UGT1A7: variants seen among roughly 807,000 people sequenced by gnomAD.
UGT1A7 encodes UDP glucuronosyltransferase family 1 member A7.
Under a neutral mutation model 45.6 loss-of-function variants are expected in UGT1A7, and 33 were observed. The ratio of observed to expected loss-of-function variants is 0.72; its 90% CI spans 0.55 to 0.97. The LOEUF (loss-of-function observed/expected upper bound fraction) is 0.97, where lower values mean the gene tolerates loss of function less well. UGT1A7 is among the 50% of genes least tolerant of loss of function. UGT1A7 has a pLI of 0.00. For missense variants in UGT1A7, 684 were observed against 666.2 expected, an observed-to-expected ratio of 1.03 and a Z score of -0.29; for synonymous variants, 274 against 250.6, an observed-to-expected ratio of 1.09 and a Z score of -0.88.
intron 1 of UGT1A7, among the ~76,000 whole-genome samples, chr2:233,734,004 T>A (rs2078466874): frequency 6.6e-6 from 1 of 151,924 alleles, no homozygotes; most frequent in South Asian, 2.1e-4. Context: ...ATACCTAATG[T>A]TAAATGACGA....
At chr2:233,742,488 T>A (rs1480874171) in intron 1 of UGT1A7, among the ~76,000 whole-genome samples, 1 of 151,938 alleles carries the variant, frequency 6.6e-6, no homozygotes, top group African/African-American at 2.4e-5. Context: ...ACCTTCAGCA[T>A]AGGCATCATG....
chr2:233,748,753 G>A (rs1217763001), intron 1 of UGT1A7, among the ~76,000 whole-genome samples: 1 of 151,562 alleles, frequency 6.6e-6, no homozygotes, highest in African/African-American at 2.4e-5. Flanking sequence ...GGAAGGCATA[G>A]TTTTGGTTGC....
intron 1 of UGT1A7, chr2:233,743,509 G>T: frequency 7.3e-7 from 1 of 1,367,170 alleles, no homozygotes; most frequent in Non-Finnish European, 9.8e-7. Context: ...GGGTGCAGAC[G>T]CTCTGCTTCT....
chr2:233,711,387 G>A (rs1236351925), intron 1 of UGT1A7, among the ~76,000 whole-genome samples: 2 of 152,246 alleles, frequency 1.3e-5, no homozygotes, highest in African/African-American at 2.4e-5. Context: ...CCTCCCAGGT[G>A]TGTTCCACCC....
At chr2:233,703,892 T>A (rs1430285411) in intron 1 of UGT1A7, among the ~76,000 whole-genome samples, 1 of 152,058 alleles carries the variant, frequency 6.6e-6, no homozygotes, top group Non-Finnish European at 1.5e-5. Context: ...ATCATTTTTT[T>A]CTTTTCTTTT....
intron 1 of UGT1A7, among the ~76,000 whole-genome samples, chr2:233,726,280 G>C (rs906128531): frequency 6.6e-6 from 1 of 152,198 alleles, no homozygotes; most frequent in Non-Finnish European, 1.5e-5. Context: ...ATGGTCCCAG[G>C]TACTTGGGAG....
At chr2:233,713,179 T>C (rs3755321) in intron 1 of UGT1A7, 158,294 of 1,614,156 alleles carry the variant, frequency 0.098, 8,780 homozygotes, top group South Asian at 0.2. Flanking sequence ...GTCCTCACCC[T>C]GGAGGTGAAT....
intron 1 of UGT1A7, chr2:233,719,148 T>C (rs763386476): frequency 6.2e-7 from 1 of 1,614,150 alleles, no homozygotes; most frequent in African/African-American, 1.3e-5. Context: ...TCTGAAGAGA[T>C]ATTCTAGAAG....
intron 1 of UGT1A7, chr2:233,693,780 T>C (rs2125556695): frequency 1.2e-6 from 2 of 1,614,220 alleles, no homozygotes; most frequent in East Asian, 2.2e-5. Context: ...AGATATGACT[T>C]TGTGCTTGAA....
rs139555179 is a variant in UGT1A7, at chr2:233,713,053, G to A, written c.855+30261G>A. ...GCCACAGGACTGCTGCTTCTCCTCA[G>A]TGTCCAGCCCTGGGCTGAGAGTGGG... is the stretch of plus-strand genomic sequence containing the variant. On this transcript the variant is annotated intron_variant, in intron 1 of 4. Coordinates refer to ENST00000373426, the MANE Select transcript of UGT1A7 (RefSeq NM_019077.3). 2.5e-6 allele frequency: 4 copies of A among 1,613,988 alleles called. No homozygotes were observed. In the African/African-American group the frequency reaches 5.3e-5, roughly 22 times the overall value.
At chr2:233,767,811 GTTCT>G (rs753422454) in intron 2 of UGT1A7, 34 bp from the exon 3 acceptor site, 1 of 1,614,124 alleles carries the variant, frequency 6.2e-7, no homozygotes, top group South Asian at 1.1e-5. Flanking sequence ...ATCATATTAT[GTTCT>G]TTCTTTACGT....
chr2:233,750,234 G>T (rs928737676), intron 1 of UGT1A7, among the ~76,000 whole-genome samples: 6 of 151,846 alleles, frequency 4.0e-5, no homozygotes, highest in African/African-American at 1.5e-4. Flanking sequence ...GGAACTTATT[G>T]GGAACTGGAA....
chr2:233,767,294 T>C, intron 2 of UGT1A7, 129 bp downstream of exon 2: 2 of 1,552,282 alleles, frequency 1.3e-6, no homozygotes, highest in Non-Finnish European at 1.7e-6. Context: ...TTCCCAACTA[T>C]TAATCCAAAG....
chr2:233,736,858 C>G (rs2078820819), intron 1 of UGT1A7, among the ~76,000 whole-genome samples: 1 of 152,192 alleles, frequency 6.6e-6, no homozygotes, highest in South Asian at 2.1e-4. Flanking sequence ...GGCTGCAGAA[C>G]AGCAAATATT....
chr2:233,747,399 C>G, intron 1 of UGT1A7: 4 of 1,606,666 alleles, frequency 2.5e-6, no homozygotes, highest in Non-Finnish European at 3.4e-6. Context: ...GGTCCTCACC[C>G]CAGAGGTGAA....
chr2:233,689,779 G>A (rs1436002250), intron 1 of UGT1A7: 1 of 399,280 alleles, frequency 2.5e-6, no homozygotes, highest in Non-Finnish European at 4.9e-6. Context: ...GGGGACATAT[G>A]TTATGATGTG....
chr2:233,712,993 T>C lies in UGT1A7; in HGVS notation c.855+30201T>C, dbSNP rs780175553. ...CAGCTGTCGGTGGCTTCTGCTGAGA[T>C]GGCCACAGGACTCCAGGTTCCCCTG... On this transcript the variant is annotated intron_variant, in intron 1 of 4. Transcript: ENST00000373426. 5.0e-6 allele frequency: 8 copies of C among 1,613,368 alleles called. No individual in the cohort carries two copies. The East Asian group carries it at 1.8e-4, about 36-fold the overall frequency.
chr2:233,724,683 C>T (rs986382878), intron 1 of UGT1A7, among the ~76,000 whole-genome samples: 9 of 144,584 alleles, frequency 6.2e-5, no homozygotes, highest in African/African-American at 1.3e-4. Flanking sequence ...GATGGGATGG[C>T]GGCCGGGTGA....
rs2077784718 is a variant in UGT1A7 at position 233,729,074 on chromosome 2, T to G, written c.856-37960T>G. 9 of 1,611,804 alleles carry G rather than the reference T, an allele frequency of 5.6e-6. No individual in the cohort carries two copies. The Admixed American group carries it at 8.3e-5, about 15-fold the overall frequency. ...AGGTAATTAAGATGAAGAAAGCAAATGTAGCAGGCACAGCGTGGGGTGGAC... is the reference window on the plus strand; with the variant it reads ...AGGTAATTAAGATGAAGAAAGCAAAGGTAGCAGGCACAGCGTGGGGTGGAC... On this transcript the variant is annotated intron_variant, in intron 1 of 4. Transcript: ENST00000373426.
Sources: allele counts gnomAD v4.1 joint callset (sites outside exome capture counted in the v4.1 genomes callset), GRCh38; gene constraint gnomAD v4.1.1; transcripts MANE v1.5; gene names NCBI Gene and HGNC (gene_info 2026-07-23, HGNC 2026-07-21).